Variants in DPH6 observed in about 807,000 individuals in gnomAD.
DPH6 encodes the protein diphthamine biosynthesis 6, also known as diphthine--ammonia ligase.
Under a neutral mutation model 38.2 loss-of-function variants are expected in DPH6, and 33 were observed. That is an observed-to-expected ratio of 0.86 (90% CI 0.65 to 1.15). The LOEUF is 1.15. Ranked by LOEUF, DPH6 falls within the 50% of genes most tolerant of loss-of-function variation. The pLI, the probability that DPH6 is intolerant of heterozygous loss-of-function variation, is 0.00. For missense variants in DPH6, 325 were observed against 320.0 expected (o/e 1.02, Z -0.12); for synonymous variants, 108 against 103.0 (o/e 1.05, Z -0.30).
the DPH6 span, among the ~76,000 whole-genome samples, chr15:35,147,586 C>T: frequency 6.6e-6 from 1 of 151,964 alleles, no homozygotes; most frequent in Non-Finnish European, 1.5e-5. Flanking sequence ...CTTCATATAT[C>T]CAGACTTGTG....
chr15:35,487,545 A>C (rs922857215), intron 3 of DPH6, among the ~76,000 whole-genome samples: 2 of 152,220 alleles, frequency 1.3e-5, no homozygotes, highest in African/African-American at 4.8e-5. Context: ...CTGGAGCTGA[A>C]GCAGCTGGGA....
chr15:35,196,476 G>A, the DPH6 span, among the ~76,000 whole-genome samples: 1 of 151,978 alleles, frequency 6.6e-6, no homozygotes, highest in African/African-American at 2.4e-5. Flanking sequence ...TGTGGGAGGA[G>A]GCGGGCTGTG....
chr15:35,465,719 G>A (rs756118345), intron 3 of DPH6, among the ~76,000 whole-genome samples: 18 of 152,142 alleles, frequency 1.2e-4, no homozygotes, highest in Non-Finnish European at 1.9e-4. Flanking sequence ...ACCATCTGGA[G>A]CTCCCCCATT....
At chr15:35,308,357 T>A (rs544098896) in intron 3 of DPH6, among the ~76,000 whole-genome samples, 1 of 152,322 alleles carries the variant, frequency 6.6e-6, no homozygotes, top group East Asian at 1.9e-4. Flanking sequence ...ACAATGTAAA[T>A]GTATAGCAAA....
chr15:35,229,803 G>A lies in DPH6; in HGVS notation n.201-9221C>T, dbSNP rs1450609846. ...TCTTGCAGACTTGTAGAGGTATACT[G>A]CCTTGACTGGACAAGATCCAGGAGA... is the stretch of plus-strand genomic sequence containing the variant. On this transcript the variant is annotated intron_variant and non_coding_transcript_variant, in intron 3 of 3. Coordinates refer to the DPH6 transcript ENST00000560386. 2.0e-5 allele frequency among the ~76,000 whole-genome samples: 3 copies of A among 152,310 alleles called. No homozygotes were observed. In the East Asian group the frequency reaches 5.8e-4, roughly 29 times the overall value.
chr15:35,347,457 CT>C (rs767042543), intron 3 of DPH6, among the ~76,000 whole-genome samples: 3,573 of 140,312 alleles, frequency 0.025, 55 homozygotes, highest in African/African-American at 0.046. Flanking sequence ...CAGCCTCCTC[CT>C]TTTTTTTTTT....
At chr15:35,207,031 A>T in the DPH6 span, among the ~76,000 whole-genome samples, 1 of 136,352 alleles carries the variant, frequency 7.3e-6, no homozygotes. Flanking sequence ...AAATCAATTT[A>T]GTAAAGCTTT....
chr15:35,290,033 TAAAG>T (rs986288549), intron 3 of DPH6, among the ~76,000 whole-genome samples: 2 of 152,170 alleles, frequency 1.3e-5, no homozygotes, highest in African/African-American at 4.8e-5. Context: ...TAAACCACAC[TAAAG>T]TTGAAAAGAA....
intron 3 of DPH6, among the ~76,000 whole-genome samples, chr15:35,493,002 T>C (rs537466258): frequency 2.0e-5 from 3 of 152,218 alleles, no homozygotes; most frequent in Non-Finnish European, 4.4e-5. Flanking sequence ...TTGATTTTTA[T>C]TGCTATCTTT....
At chr15:35,200,204 T>C in the DPH6 span, among the ~76,000 whole-genome samples, 2 of 152,136 alleles carry the variant, frequency 1.3e-5, no homozygotes, top group African/African-American at 4.8e-5. Flanking sequence ...CGTGGTGTTA[T>C]AATTTAAGGG....
At chr15:35,162,939 C>T in the DPH6 span, among the ~76,000 whole-genome samples, 4 of 151,956 alleles carry the variant, frequency 2.6e-5, no homozygotes, top group South Asian at 4.1e-4. Flanking sequence ...GGTCACAACA[C>T]GCAGACCATG....
intron 3 of DPH6, 112 bp downstream of exon 3, chr15:35,538,162 G>A (rs1317994430): frequency 1.5e-5 from 14 of 938,180 alleles, no homozygotes; most frequent in Non-Finnish European, 1.9e-5. Context: ...TCCTTTTAAA[G>A]AATAGTTGGG....
At chr15:35,467,128 ATC>A (rs1209979917) in intron 3 of DPH6, among the ~76,000 whole-genome samples, 7 of 152,242 alleles carry the variant, frequency 4.6e-5, no homozygotes, top group African/African-American at 1.4e-4. Flanking sequence ...TAACTTTTTA[ATC>A]TGTTTTTTAC....
chr15:35,279,395 G>C (rs907374289), intron 3 of DPH6, among the ~76,000 whole-genome samples: 4 of 151,974 alleles, frequency 2.6e-5, no homozygotes, highest in Non-Finnish European at 5.9e-5. Context: ...GAGGAACCAG[G>C]GGCAGAAGGA....
intron 3 of DPH6, among the ~76,000 whole-genome samples, chr15:35,311,002 T>C (rs892894267): frequency 6.6e-6 from 1 of 151,368 alleles, no homozygotes; most frequent in African/African-American, 2.4e-5. Flanking sequence ...GAGGTTGCAG[T>C]GAGCCGAGAT....
chr15:35,237,954 A>AT, intron 3 of DPH6: 1 of 1,419,056 alleles, frequency 7.0e-7, no homozygotes, highest in Non-Finnish European at 1.0e-6. Context: ...GAAAAAGGTT[A>AT]TAACGATGGA....
intron 3 of DPH6, among the ~76,000 whole-genome samples, chr15:35,283,538 C>T (rs968497931): frequency 3.3e-5 from 5 of 151,828 alleles, no homozygotes; most frequent in East Asian, 1.9e-4. Context: ...CCTCATGATC[C>T]GCCGCTTTGG....
At position 35,478,262 on chromosome 15, in the gene DPH6, G is replaced by A. The variant is rs568421820; in HGVS notation, c.313-23442C>T. On this transcript the variant is annotated intron_variant, in intron 3 of 8. Coordinates refer to ENST00000256538, the MANE Select transcript of DPH6 (RefSeq NM_080650.4). ...CTGCTTACCACTGTAACAATGTTTA[G>A]GAAGAAATGCTATATTCAACATTCA... is the stretch of plus-strand genomic sequence containing the variant. 2.4e-4 allele frequency among the ~76,000 whole-genome samples: 36 copies of A among 151,518 alleles called. 1 individual carries two copies. In the South Asian group the frequency reaches 3.3e-3, roughly 14 times the overall value.
intron 4 of DPH6, among the ~76,000 whole-genome samples, chr15:35,453,364 T>C (rs2141086482): frequency 6.6e-6 from 1 of 152,270 alleles, no homozygotes. Flanking sequence ...CTTTCATAAA[T>C]AGATGTCATC....
Sources: gnomAD v4.1 joint callset for allele counts (sites outside exome capture counted in the v4.1 genomes callset) on GRCh38, gnomAD v4.1.1 for gene constraint, MANE v1.5 for transcripts, NCBI Gene and HGNC (gene_info 2026-07-23, HGNC 2026-07-21) for gene names.